Variants in PKN2 observed in about 807,000 individuals in gnomAD.
PKN2 encodes the protein serine/threonine-protein kinase N2.
A neutral mutation model predicts 119.1 loss-of-function variants in PKN2; 38 were observed. The observed-to-expected ratio is 0.32, with a 90% CI of 0.25 to 0.42. The LOEUF (loss-of-function observed/expected upper bound fraction) is 0.42, where lower values mean the gene tolerates loss of function less well. Among genes scored for constraint, PKN2 ranks in the 10% least tolerant of loss-of-function variants. The pLI is 1.00. For synonymous variants in PKN2, 390 were observed against 384.9 expected (o/e 1.01, Z -0.15); for missense variants, 850 against 1,165.1 (o/e 0.73, Z 3.94).
At chr1:88,832,662 G>A (rs1052172903) in intron 19 of PKN2, 82 bp from the exon 20 acceptor site, 1 of 699,258 alleles carries the variant, frequency 1.4e-6, no homozygotes, top group Non-Finnish European at 2.5e-6. Flanking sequence ...TCACTGCCTG[G>A]ATCTTGGTTG....
chr1:88,699,913 G>A (rs945008346), intron 1 of PKN2, among the ~76,000 whole-genome samples: 1 of 152,008 alleles, frequency 6.6e-6, no homozygotes, highest in African/African-American at 2.4e-5. Flanking sequence ...TTCCCGAGTA[G>A]CTAGGATTAC....
intron 8 of PKN2, among the ~76,000 whole-genome samples, chr1:88,787,649 A>G (rs192570505): frequency 2.0e-5 from 3 of 152,352 alleles, no homozygotes; most frequent in Admixed American, 1.3e-4. Context: ...CAAGCTTAGA[A>G]CAATAAAAGA....
intron 1 of PKN2, among the ~76,000 whole-genome samples, chr1:88,698,984 A>G (rs545205737): frequency 4.9e-4 from 74 of 152,178 alleles, no homozygotes; most frequent in Middle Eastern, 6.8e-3. Flanking sequence ...GTACACTTCC[A>G]CTTCTCACTT....
chr1:88,795,435 C>CT (rs1384452898), intron 8 of PKN2, among the ~76,000 whole-genome samples: 1 of 152,182 alleles, frequency 6.6e-6, no homozygotes, highest in Non-Finnish European at 1.5e-5. Flanking sequence ...ATTGATAGGT[C>CT]TTTCTTTCAC....
intron 15 of PKN2, among the ~76,000 whole-genome samples, chr1:88,808,941 T>C (rs1408368068): frequency 6.6e-6 from 1 of 152,210 alleles, no homozygotes; most frequent in Non-Finnish European, 1.5e-5. Flanking sequence ...AGTTAACTCA[T>C]ATATTTAAAA....
intron 16 of PKN2, among the ~76,000 whole-genome samples, chr1:88,815,174 T>G (rs894507431): frequency 1.3e-5 from 2 of 152,222 alleles, no homozygotes; most frequent in African/African-American, 4.8e-5. Flanking sequence ...GTTTTTGTTT[T>G]TAAAATAATA....
At chr1:88,761,184 G>A (rs1464078534) in intron 3 of PKN2, among the ~76,000 whole-genome samples, 2 of 152,070 alleles carry the variant, frequency 1.3e-5, no homozygotes, top group African/African-American at 2.4e-5. Context: ...AAAATGTTGT[G>A]AGCCGCTGAA....
intron 2 of PKN2, among the ~76,000 whole-genome samples, chr1:88,749,403 CAAAA>C (rs11430270): frequency 8.6e-6 from 1 of 116,796 alleles, no homozygotes. Flanking sequence ...GACTCCGTCT[CAAAA>C]AAAAAAAAAA....
intron 8 of PKN2, among the ~76,000 whole-genome samples, chr1:88,792,015 G>C (rs1228150351): frequency 6.6e-6 from 1 of 152,140 alleles, no homozygotes; most frequent in East Asian, 1.9e-4. Context: ...TGGGAGTATT[G>C]TTTCATCTGA....
intron 19 of PKN2, among the ~76,000 whole-genome samples, chr1:88,830,812 A>G (rs1205346315): frequency 6.6e-6 from 1 of 152,080 alleles, no homozygotes; most frequent in Non-Finnish European, 1.5e-5. Context: ...TAGTATCTCC[A>G]CAAGAGGGTA....
chr1:88,732,675 A>G (rs1229877224), intron 1 of PKN2, among the ~76,000 whole-genome samples: 2 of 152,186 alleles, frequency 1.3e-5, no homozygotes, highest in Non-Finnish European at 2.9e-5. Context: ...AAAAATTTCT[A>G]ATTATTATCT....
At chr1:88,828,831 G>A (rs932635021) in intron 19 of PKN2, among the ~76,000 whole-genome samples, 1 of 152,090 alleles carries the variant, frequency 6.6e-6, no homozygotes, top group Non-Finnish European at 1.5e-5. Flanking sequence ...TCAGTGCTTT[G>A]AAAATAGTTC....
At chr1:88,691,515 A>T (rs1463615855) in intron 1 of PKN2, among the ~76,000 whole-genome samples, 1 of 152,222 alleles carries the variant, frequency 6.6e-6, no homozygotes, top group Non-Finnish European at 1.5e-5. Flanking sequence ...AAAATTTGTT[A>T]AACATCAGGC....
At chr1:88,750,689 T>C (rs1266684485) in intron 2 of PKN2, among the ~76,000 whole-genome samples, 1 of 152,136 alleles carries the variant, frequency 6.6e-6, no homozygotes, top group East Asian at 1.9e-4. Flanking sequence ...ACTCTTCTTT[T>C]CTTGGACAGC....
At chr1:88,831,345 AC>A (rs1453213954) in intron 19 of PKN2, among the ~76,000 whole-genome samples, 1 of 151,594 alleles carries the variant, frequency 6.6e-6, no homozygotes, top group African/African-American at 2.4e-5. Context: ...CAAGCAGAAG[AC>A]CAAAGTGCTG....
Position 88,821,942 on chromosome 1 carries a change from T to C in PKN2, c.2281T>C (p.Phe761Leu). The change falls in exon 17 of 22, where the codon TTT becomes CTT. Residue 761 changes from phenylalanine to leucine, a missense_variant and splice_region_variant. Phe to Leu is a conservative substitution (Grantham distance 22). Around this residue, in one of 9 missense-constraint regions of PKN2, gnomAD observed 55 missense variants for 85.9 expected, o/e 0.64. Transcript: ENST00000370521. The stretch of plus-strand genomic sequence containing the variant: ...CTGTTGATTTAATTCTTCAAACAGA[T>C]TTTATGCTGCTTGTGTAGTTCTTGG... ...TDVFSEPRAV[F>L]YAACVVLGLQ... is the part of the protein sequence containing the mutation. The C allele has an allele frequency of 1.3e-6, 2 of 1,574,584 alleles. No individual in the cohort carries two copies. The highest frequency in any genetic ancestry group is 1.4e-5 in the African/African-American group (1 of 73,162).
chr1:88,820,026 A>G (rs2100910864), intron 16 of PKN2, among the ~76,000 whole-genome samples: 1 of 151,764 alleles, frequency 6.6e-6, no homozygotes, highest in East Asian at 1.9e-4. Context: ...TAGCATTAGG[A>G]GAAATACCTA....
At chr1:88,778,079 G>A (rs992615648) in intron 6 of PKN2, among the ~76,000 whole-genome samples, 1 of 152,046 alleles carries the variant, frequency 6.6e-6, no homozygotes, top group Admixed American at 6.6e-5. Flanking sequence ...TCCCTACTTC[G>A]AGTTGTCCAT....
chr1:88,754,920 G>C (rs771544872), intron 2 of PKN2, among the ~76,000 whole-genome samples: 10 of 152,062 alleles, frequency 6.6e-5, no homozygotes, highest in Non-Finnish European at 1.0e-4. Flanking sequence ...ATGTTTAGAA[G>C]GTTAGAAGCA....
Sources: allele counts gnomAD v4.1 joint callset (sites outside exome capture counted in the v4.1 genomes callset), GRCh38; gene constraint gnomAD v4.1.1; regional missense constraint gnomAD v4.1.1; transcripts MANE v1.5; gene names NCBI Gene and HGNC (gene_info 2026-07-23, HGNC 2026-07-21).